Variants in SKA2 observed in about 807,000 individuals in gnomAD.
SKA2 encodes spindle and kinetochore-associated protein 2.
In SKA2, 13 loss-of-function variants were observed where a neutral mutation model predicts 16.9. The ratio of observed to expected loss-of-function variants is 0.77; its 90% CI spans 0.50 to 1.22. The LOEUF (loss-of-function observed/expected upper bound fraction) is 1.22, where lower values mean the gene tolerates loss of function less well. Among genes scored for constraint, SKA2 ranks in the 50% most tolerant of loss-of-function variants. SKA2 has a pLI of 0.00. For missense variants in SKA2, 107 were observed against 139.7 expected (o/e 0.77, Z 1.18); for synonymous variants, 47 against 48.5 (o/e 0.97, Z 0.13).
intron 2 of SKA2, among the ~76,000 whole-genome samples, chr17:59,130,783 A>T (rs191612563): frequency 5.3e-4 from 80 of 152,350 alleles, no homozygotes; most frequent in African/African-American, 1.9e-3. Flanking sequence ...GTATACTTAC[A>T]CTTAATGATT....
intron 1 of SKA2, among the ~76,000 whole-genome samples, chr17:59,154,021 C>T (rs1181030239): frequency 4.0e-5 from 6 of 151,702 alleles, no homozygotes; most frequent in African/African-American, 1.5e-4. Flanking sequence ...CCGCCCGCCT[C>T]GGCCTCCCAA....
intron 2 of SKA2, chr17:59,124,513 T>C (rs1423141025): frequency 6.6e-6 from 1 of 152,006 alleles, no homozygotes; most frequent in East Asian, 1.9e-4. Flanking sequence ...GATAATAAAT[T>C]ATGTAACTTA....
At chr17:59,121,793 CAAAAAAAAAAAAA>C (rs758240217) in intron 2 of SKA2, among the ~76,000 whole-genome samples, 13 of 81,148 alleles carry the variant, frequency 1.6e-4, no homozygotes, top group African/African-American at 2.2e-4. Flanking sequence ...TACGAAAATA[CAAAAAAAAAAAAA>C]AAAAAAAAAA....
chr17:59,120,937 G>C (rs2046328260), intron 2 of SKA2, among the ~76,000 whole-genome samples: 1 of 152,048 alleles, frequency 6.6e-6, no homozygotes, highest in Admixed American at 6.6e-5. Context: ...CAGATCATGA[G>C]GTCAGGAAAT....
chr17:59,135,205 A>G (rs894750355), intron 1 of SKA2, among the ~76,000 whole-genome samples: 3 of 152,004 alleles, frequency 2.0e-5, no homozygotes, highest in African/African-American at 7.2e-5. Flanking sequence ...TAACCATCAA[A>G]TGGTACCAAA....
intron 1 of SKA2, among the ~76,000 whole-genome samples, chr17:59,134,961 A>G (rs1054993166): frequency 6.6e-6 from 1 of 151,912 alleles, no homozygotes; most frequent in African/African-American, 2.4e-5. Flanking sequence ...CAGCCTCCCA[A>G]GTAGCTGGGA....
chr17:59,128,487 G>A (rs1244341577), intron 2 of SKA2, among the ~76,000 whole-genome samples: 1 of 152,022 alleles, frequency 6.6e-6, no homozygotes, highest in Admixed American at 6.6e-5. Flanking sequence ...TTAGCCAGAT[G>A]TGGTGGCACA....
At chr17:59,122,129 T>G (rs949964399) in intron 2 of SKA2, among the ~76,000 whole-genome samples, 1 of 151,804 alleles carries the variant, frequency 6.6e-6, no homozygotes, top group Admixed American at 6.6e-5. Flanking sequence ...TTGAGAAGAG[T>G]TTTACAGTTG....
At chr17:59,135,686 A>G (rs1008853916) in intron 1 of SKA2, among the ~76,000 whole-genome samples, 1 of 151,842 alleles carries the variant, frequency 6.6e-6, no homozygotes, top group Non-Finnish European at 1.5e-5. Context: ...TATATAAATT[A>G]GCCGGACACG....
intron 1 of SKA2, among the ~76,000 whole-genome samples, 192 bp from the exon 2 acceptor site, chr17:59,131,559 G>A (rs1335635936): frequency 6.6e-6 from 1 of 152,004 alleles, no homozygotes; most frequent in Admixed American, 6.6e-5. Context: ...AATTTAAAAA[G>A]TAGTTAACAT....
intron 2 of SKA2, chr17:59,129,585 TGTG>T (rs976916237): frequency 7.9e-5 from 12 of 151,504 alleles, no homozygotes; most frequent in Non-Finnish European, 1.3e-4. Flanking sequence ...AAGGGCCAGG[TGTG>T]GTGGCTCACG....
intron 1 of SKA2, among the ~76,000 whole-genome samples, chr17:59,135,091 TCCCAAAGCGCTGGGATTACAGGTGTGAG>T (rs1268582758): frequency 6.6e-6 from 1 of 152,050 alleles, no homozygotes; most frequent in Non-Finnish European, 1.5e-5. Flanking sequence ...TGCCTCGGCC[TCCCAAAGCGCTGGGATTACAGGTGTGAG>T]CCACCAGCCT....
intron 1 of SKA2, among the ~76,000 whole-genome samples, chr17:59,141,330 G>A (rs1022693093): frequency 6.6e-6 from 1 of 152,052 alleles, no homozygotes; most frequent in Non-Finnish European, 1.5e-5. Context: ...CTGGGAAGCG[G>A]AGGTTGCAAT....
At chr17:59,128,958 G>GA (rs1196193711) in intron 2 of SKA2, among the ~76,000 whole-genome samples, 1 of 151,702 alleles carries the variant, frequency 6.6e-6, no homozygotes, top group African/African-American at 2.4e-5. Context: ...AAAGTTGCAG[G>GA]AAAAAAAATA....
chr17:59,141,192 A>C (rs2046486302), intron 1 of SKA2, among the ~76,000 whole-genome samples: 1 of 151,714 alleles, frequency 6.6e-6, no homozygotes, highest in Non-Finnish European at 1.5e-5. Context: ...AGGTCAAGAG[A>C]TTGAGACTAT....
chr17:59,137,742 T>TA (rs779200686), intron 1 of SKA2: 4 of 524,082 alleles, frequency 7.6e-6, no homozygotes, highest in South Asian at 5.9e-5. Context: ...TTGTTTCTGC[T>TA]ACATACTTTC....
At chr17:59,126,119 C>T (rs1198213383) in intron 2 of SKA2, among the ~76,000 whole-genome samples, 1 of 151,746 alleles carries the variant, frequency 6.6e-6, no homozygotes, top group African/African-American at 2.4e-5. Flanking sequence ...TGCAGTGAGC[C>T]GAGATCGCGC....
chr17:59,136,092 C>A (rs1036009889), intron 1 of SKA2, among the ~76,000 whole-genome samples: 1 of 151,686 alleles, frequency 6.6e-6, no homozygotes, highest in East Asian at 1.9e-4. Flanking sequence ...AAAAAAACAG[C>A]TTGTGGGTAG....
chr17:59,127,627 T>A (rs1003076563), intron 2 of SKA2, among the ~76,000 whole-genome samples: 1 of 152,150 alleles, frequency 6.6e-6, no homozygotes, highest in Non-Finnish European at 1.5e-5. Flanking sequence ...CATCAGATGA[T>A]CAGCCTGCCT....
Sources: allele counts gnomAD v4.1 joint callset (sites outside exome capture counted in the v4.1 genomes callset), GRCh38; gene constraint gnomAD v4.1.1; transcripts MANE v1.5; gene names NCBI Gene and HGNC (gene_info 2026-07-23, HGNC 2026-07-21).